HELB: variants seen among roughly 807,000 people sequenced by gnomAD.
The protein encoded by HELB is DNA helicase B, also known as DNA 5'-3' helicase B.
In HELB, 96 loss-of-function variants were observed where a neutral mutation model predicts 101.7. That is an observed-to-expected ratio of 0.94 (90% CI 0.80 to 1.12). The LOEUF (loss-of-function observed/expected upper bound fraction) is 1.12. Ranked by LOEUF, HELB falls within the 50% of genes most tolerant of loss-of-function variation. The probability of loss-of-function intolerance (pLI) is 0.00; values close to 1 mark genes in which losing one functional copy is unlikely to be tolerated. For missense variants in HELB, 1,210 were observed against 1,291.9 expected (o/e 0.94, Z 0.97); for synonymous variants, 437 against 459.7 (o/e 0.95, Z 0.63).
intron 11 of HELB, among the ~76,000 whole-genome samples, chr12:66,326,233 G>A (rs2053735388): frequency 6.6e-6 from 1 of 151,850 alleles, no homozygotes; most frequent in African/African-American, 2.4e-5. Context: ...CTTTAATGGA[G>A]AGGTTGCATC....
rs756031862 is a variant in HELB, at chr12:66,327,035, C to CAA, written c.2670+1940_2670+1941dup. The stretch of plus-strand genomic sequence containing the variant: ...TGGGCAACAGAGGGAGACTTCATCT[C>CAA]AAAAAAAAAAAAAAAAAAAAAAAAA... On this transcript the variant is annotated intron_variant, in intron 11 of 12. Transcript: ENST00000247815. 6.3e-3 allele frequency among the ~76,000 whole-genome samples: 263 copies of CAA among 41,716 alleles called. 3 individuals carry two copies. Among genetic ancestry groups the CAA allele is most frequent in the Non-Finnish European group, 8.0e-3 (205 of 25,470 alleles). 27.4% of individuals were successfully genotyped at this position (41,716 alleles called of 152,430 possible).
chr12:66,339,509 C>G (rs1040212423), downstream of HELB: 1 of 152,354 alleles, frequency 6.6e-6, no homozygotes, highest in Non-Finnish European at 1.5e-5. Flanking sequence ...TGCCTGTAAT[C>G]CCAGCACTTT....
chr12:66,339,038 A>C (rs1353860422), downstream of HELB: 2 of 152,226 alleles, frequency 1.3e-5, no homozygotes, highest in East Asian at 3.9e-4. Context: ...AAAAGTCAAG[A>C]TGAAAAATAT....
At position 66,325,127 on chromosome 12, in the gene HELB, G is replaced by C; in HGVS notation, c.2670+1G>C. 6.3e-7 allele frequency: 1 copy of C among 1,579,506 alleles called. No homozygotes were observed. The highest frequency in any genetic ancestry group is 8.7e-7 in the Non-Finnish European group (1 of 1,153,312). ...GGCAAGAACTATTCACACTTTTCAGGTAAGAGGAGACTTTTATCAAACCTT... is the reference window on the plus strand; with the variant it reads ...GGCAAGAACTATTCACACTTTTCAGCTAAGAGGAGACTTTTATCAAACCTT... On this transcript the variant is annotated splice_donor_variant, in intron 11 of 12. Transcript: ENST00000247815. LOFTEE classifies it high-confidence loss of function.
At position 66,315,234 on chromosome 12, in the gene HELB, T is replaced by C; in HGVS notation, c.1859-8T>C. 1 of 1,549,038 alleles carries C rather than the reference T, an allele frequency of 6.5e-7. No homozygotes were observed. On this transcript the variant is annotated splice_polypyrimidine_tract_variant and splice_region_variant and intron_variant, in intron 5 of 12. Transcript: ENST00000247815. ...TAAGTCTTGCTACTGTATCTTTTTT[T>C]CTTTTAGGTGACATTAGACAGTTAC...
chr12:66,324,667 G>T (rs570606918), intron 10 of HELB: 92 of 320,740 alleles, frequency 2.9e-4, no homozygotes, highest in African/African-American at 1.8e-3. Flanking sequence ...AAACTGCAAA[G>T]AATCTACTCA....
intron 9 of HELB, among the ~76,000 whole-genome samples, chr12:66,323,375 A>T (rs1002259138): frequency 1.1e-4 from 17 of 152,102 alleles, no homozygotes; most frequent in Non-Finnish European, 2.1e-4. Flanking sequence ...CCATGTACCC[A>T]GGGTCCCAGT....
intron 7 of HELB, among the ~76,000 whole-genome samples, chr12:66,319,621 C>T (rs2056417926): frequency 6.6e-6 from 1 of 152,112 alleles, no homozygotes; most frequent in African/African-American, 2.4e-5. Context: ...ATGGTTTTCT[C>T]AAAATTGAAT....
At chr12:66,340,285 T>C (rs372411056), downstream of HELB, 1 of 152,238 alleles carries the variant, frequency 6.6e-6, no homozygotes, top group Non-Finnish European at 1.5e-5. Context: ...CGTTTATTAT[T>C]ATCTGACTTC....
downstream of HELB, chr12:66,342,702 C>CTTT (rs34430491): frequency 7.1e-4 from 105 of 146,974 alleles, no homozygotes; most frequent in Non-Finnish European, 1.4e-3. Context: ...TTTTCTTTTT[C>CTTT]TTTTTTTTTT....
chr12:66,318,174 G>T lies in HELB; in HGVS notation c.2001-464G>T, dbSNP rs555888118. Among the ~76,000 whole-genome samples the T allele has an allele frequency of 4.6e-5, 7 of 152,036 alleles. No homozygotes were observed. In the South Asian group the frequency reaches 1.2e-3, roughly 27 times the overall value. ...GTTCAAATTAATTTATATAGAAAGG[G>T]GTATGGAGTCAAATGCGCCTATTTG... is the stretch of plus-strand genomic sequence containing the variant. On this transcript the variant is annotated intron_variant, in intron 6 of 12. Coordinates refer to ENST00000247815, the MANE Select transcript of HELB (RefSeq NM_001370285.1).
At chr12:66,334,910 A>G (rs1191992274) in intron 12 of HELB, among the ~76,000 whole-genome samples, 1 of 152,166 alleles carries the variant, frequency 6.6e-6, no homozygotes, top group African/African-American at 2.4e-5. Flanking sequence ...GAGCCTAGTG[A>G]AAGAGTGGGG....
At chr12:66,319,640 G>T (rs1217591423) in intron 7 of HELB, among the ~76,000 whole-genome samples, 1 of 151,998 alleles carries the variant, frequency 6.6e-6, no homozygotes, top group Non-Finnish European at 1.5e-5. Context: ...ATTAGTAAAG[G>T]TTTAAACTAT....
At chr12:66,333,849 T>G (rs926715827) in intron 12 of HELB, among the ~76,000 whole-genome samples, 70 of 151,844 alleles carry the variant, frequency 4.6e-4, no homozygotes, top group African/African-American at 1.6e-3. Context: ...AGCAGTGGTG[T>G]AATATCATCT....
At chr12:66,313,196 T>G (rs949241555) in intron 4 of HELB, among the ~76,000 whole-genome samples, 1 of 70,336 alleles carries the variant, frequency 1.4e-5, no homozygotes, top group African/African-American at 3.8e-5. Flanking sequence ...GAATCTAGTT[T>G]TAGTAGAAAA....
chr12:66,319,261 G>A (rs903632472), intron 7 of HELB, among the ~76,000 whole-genome samples: 4 of 152,188 alleles, frequency 2.6e-5, no homozygotes, highest in Non-Finnish European at 5.9e-5. Context: ...TAATAGTTCT[G>A]TTTTATAAAA....
At chr12:66,325,215 T>C in intron 11 of HELB, 89 bp downstream of exon 11, 1 of 847,542 alleles carries the variant, frequency 1.2e-6, no homozygotes. Context: ...TTGCACTTAT[T>C]AGCAAACAAA....
intron 3 of HELB, 97 bp downstream of exon 3, chr12:66,306,611 G>A (rs954611470): frequency 1.4e-6 from 1 of 711,488 alleles, no homozygotes. Context: ...AAAAATTTGT[G>A]TGGACCCCAG....
At chr12:66,338,880 C>T (rs1168292), downstream of HELB, 71,643 of 151,996 alleles carry the variant, frequency 0.47, 17,288 homozygotes, top group East Asian at 0.58. Flanking sequence ...ATCACTGCTG[C>T]CTGGGGCCCA....
Sources: gnomAD v4.1 joint callset for allele counts (sites outside exome capture counted in the v4.1 genomes callset) on GRCh38, gnomAD v4.1.1 for gene constraint, MANE v1.5 for transcripts, NCBI Gene and HGNC (gene_info 2026-07-23, HGNC 2026-07-21) for gene names.